Variants in CELA2A observed in about 807,000 individuals in gnomAD.
CELA2A encodes the protein chymotrypsin like elastase 2A.
Under a neutral mutation model 35.3 loss-of-function variants are expected in CELA2A, and 31 were observed. The ratio of observed to expected loss-of-function variants is 0.88; its 90% confidence interval spans 0.66 to 1.19. The LOEUF is 1.19. CELA2A is among the 50% of genes most tolerant of loss of function. The pLI is 0.00. For missense variants in CELA2A, 330 were observed against 352.9 expected (o/e 0.94, Z 0.52); for synonymous variants, 150 against 149.8 (o/e 1.00, Z -0.01).
At chr1:15,463,319 C>T (rs1465714177) in intron 4 of CELA2A, 67 bp from the exon 5 acceptor site, 3 of 1,605,732 alleles carry the variant, frequency 1.9e-6, no homozygotes, top group Admixed American at 1.7e-5. Context: ...GGTCTCCAAG[C>T]CCTCCAAAGC....
rs573754320 is a variant in CELA2A at position 15,462,791 on chromosome 1, G to A, written c.286G>A (p.Gly96Ser). ...GCACAACCTCTACGTTGCGGAGTCC[G>A]GCTCGCTGGCAGTCAGTGTCTCTAA... ...GRHNLYVAES[G>S]SLAVSVSKIV... The change falls in exon 4 of 8, where the codon GGC becomes AGC. Residue 96 changes from glycine to serine, a missense_variant. Physicochemically the swap from Gly to Ser is moderately conservative, Grantham distance 56 (BLOSUM62 0). Coordinates refer to ENST00000359621, the MANE Select transcript of CELA2A (RefSeq NM_033440.3). The A allele has an allele frequency of 1.9e-5, 30 of 1,614,106 alleles. No homozygotes were observed. Among genetic ancestry groups the A allele is most frequent in the Middle Eastern group, 1.6e-4 (1 of 6,062 alleles).
chr1:15,460,314 G>C (rs1161928728), intron 2 of CELA2A, among the ~76,000 whole-genome samples: 1 of 152,060 alleles, frequency 6.6e-6, no homozygotes, highest in Admixed American at 6.6e-5. Flanking sequence ...TAAATTGGGG[G>C]GGGGGTACAT....
chr1:15,467,881 G>T (rs1482775576), intron 7 of CELA2A, among the ~76,000 whole-genome samples: 1 of 152,066 alleles, frequency 6.6e-6, no homozygotes, highest in Non-Finnish European at 1.5e-5. Flanking sequence ...GAGGTCAGAA[G>T]TTCAAGACCA....
At chr1:15,470,655 A>C (rs1276738620) in intron 7 of CELA2A, among the ~76,000 whole-genome samples, 1 of 152,050 alleles carries the variant, frequency 6.6e-6, no homozygotes. Context: ...ATCGCAGCTC[A>C]ATGCAACCTC....
At chr1:15,461,052 C>T (rs1214925694) in intron 2 of CELA2A, among the ~76,000 whole-genome samples, 4 of 152,080 alleles carry the variant, frequency 2.6e-5, no homozygotes, top group East Asian at 1.9e-4. Flanking sequence ...GGAGAAGTGC[C>T]GAGCAAAAGT....
intron 5 of CELA2A, 64 bp from the exon 6 acceptor site, chr1:15,465,935 T>C: frequency 1.3e-6 from 2 of 1,585,156 alleles, no homozygotes; most frequent in African/African-American, 1.3e-5. Flanking sequence ...CTAAGACGGG[T>C]CCATCACTTC....
At position 15,462,878 on chromosome 1, in the gene CELA2A, G is replaced by A. The variant is rs1241660404; in HGVS notation, c.356+17G>A. On this transcript the variant is annotated intron_variant, in intron 4 of 7. Coordinates refer to ENST00000359621, the MANE Select transcript of CELA2A (RefSeq NM_033440.3). ...CTCCAAAGGGTTCGTTTCTGTCTGGGTGCACTTGGGGGTGAGGTTGTCAGG... is the reference window on the plus strand; with the variant it reads ...CTCCAAAGGGTTCGTTTCTGTCTGGATGCACTTGGGGGTGAGGTTGTCAGG... 4 of 1,613,956 alleles carry A rather than the reference G, an allele frequency of 2.5e-6. No individual in the cohort carries two copies. Among genetic ancestry groups the A allele is most frequent in the Non-Finnish European group, 2.5e-6 (3 of 1,179,980 alleles).
intron 7 of CELA2A, 78 bp from the exon 8 acceptor site, chr1:15,471,912 A>C: frequency 6.3e-7 from 1 of 1,580,152 alleles, no homozygotes; most frequent in Non-Finnish European, 8.7e-7. Flanking sequence ...AGCTTAGCCC[A>C]GGAGGACAGA....
chr1:15,459,413 G>A (rs1383199017), intron 2 of CELA2A, among the ~76,000 whole-genome samples: 3 of 147,994 alleles, frequency 2.0e-5, no homozygotes, highest in Non-Finnish European at 4.5e-5. Flanking sequence ...ATCCTCCTGC[G>A]TCGGCCTCCC....
chr1:15,471,895 C>A, intron 7 of CELA2A, 95 bp from the exon 8 acceptor site: 1 of 1,500,164 alleles, frequency 6.7e-7, no homozygotes, highest in Non-Finnish European at 9.3e-7. Flanking sequence ...CTGTAACTCA[C>A]ATGAGTAGCT....
chr1:15,460,953 T>C (rs1208791620), intron 2 of CELA2A, among the ~76,000 whole-genome samples: 1 of 152,170 alleles, frequency 6.6e-6, no homozygotes. Context: ...AACTGACTCA[T>C]AGCTCAGCGT....
intron 3 of CELA2A, 28 bp downstream of exon 3, chr1:15,461,686 C>T: frequency 6.2e-7 from 1 of 1,613,752 alleles, no homozygotes; most frequent in Middle Eastern, 1.7e-4. Flanking sequence ...GGCGCTTGGC[C>T]TGCTCACCAG....
intron 7 of CELA2A, among the ~76,000 whole-genome samples, chr1:15,471,376 A>G (rs990040811): frequency 6.6e-6 from 1 of 152,072 alleles, no homozygotes; most frequent in Non-Finnish European, 1.5e-5. Flanking sequence ...GTGAAACCTC[A>G]TCTCTACTAA....
rs1456535776 is a variant in CELA2A, at chr1:15,461,505, G to T, written c.130-56G>T. On this transcript the variant is annotated intron_variant, in intron 2 of 7. Transcript: ENST00000359621. The stretch of plus-strand genomic sequence containing the variant: ...AGCCCCGTTCTTGGGAAACTGGAGT[G>T]CAGGGAGGCCCTGCTCTTTCAAACC... The T allele has an allele frequency of 3.1e-6, 5 of 1,593,388 alleles. No individual in the cohort carries two copies. The South Asian group carries it at 5.5e-5, about 18-fold the overall frequency.
intron 1 of CELA2A, 132 bp from the exon 2 acceptor site, chr1:15,456,954 C>T (rs1203938675): frequency 1.6e-6 from 2 of 1,281,854 alleles, no homozygotes; most frequent in South Asian, 1.3e-5. Context: ...GAGCAAAGAG[C>T]AGGATTCTAT....
intron 5 of CELA2A, among the ~76,000 whole-genome samples, chr1:15,465,476 G>T (rs1434232330): frequency 2.0e-5 from 3 of 152,240 alleles, no homozygotes; most frequent in African/African-American, 7.2e-5. Flanking sequence ...CAAGGAGGGG[G>T]CTCTAACAGC....
At chr1:15,464,426 C>T (rs1708483061) in intron 5 of CELA2A, among the ~76,000 whole-genome samples, 2 of 152,170 alleles carry the variant, frequency 1.3e-5, no homozygotes, top group Admixed American at 6.5e-5. Flanking sequence ...AGAGTTCCCG[C>T]CCTTCCCTTG....
chr1:15,462,732 G>A lies in CELA2A; in HGVS notation c.228-1G>A. The A allele has an allele frequency of 1.2e-6, 2 of 1,613,874 alleles. No individual in the cohort carries two copies. Among genetic ancestry groups the A allele is most frequent in the Non-Finnish European group, 1.7e-6 (2 of 1,179,922 alleles). On this transcript the variant is annotated splice_acceptor_variant, in intron 3 of 7. Coordinates refer to ENST00000359621, the MANE Select transcript of CELA2A (RefSeq NM_033440.3). LOFTEE classifies it high-confidence loss of function. Reference sequence around the variant, plus strand: ...CTCTCCCTGGGCCCCCTTTCTCCCAGCTCCTCCAGGACCTACCGCGTGGGG... The same window carrying A: ...CTCTCCCTGGGCCCCCTTTCTCCCAACTCCTCCAGGACCTACCGCGTGGGG...
intron 4 of CELA2A, 90 bp downstream of exon 4, chr1:15,462,951 C>G (rs3815788): frequency 0.33 from 513,124 of 1,545,330 alleles, 90,005 homozygotes; most frequent in African/African-American, 0.61. Context: ...CACACCACAC[C>G]CCCTCTGCTT....
Sources: allele counts gnomAD v4.1 joint callset (sites outside exome capture counted in the v4.1 genomes callset), GRCh38; gene constraint gnomAD v4.1.1; transcripts MANE v1.5; gene names NCBI Gene and HGNC (gene_info 2026-07-23, HGNC 2026-07-21).